The following SLC28A3 variants were observed in gnomAD, a reference collection of about 807,000 sequenced individuals.
SLC28A3 encodes the protein concentrative Na(+)-nucleoside cotransporter 3.
A neutral mutation model predicts 84.2 loss-of-function variants in SLC28A3; 68 were observed. The ratio of observed to expected loss-of-function variants is 0.81; its 90% CI spans 0.66 to 0.99. The LOEUF is 0.99. Ranked by LOEUF, SLC28A3 falls within the 50% of genes least tolerant of loss-of-function variation. The pLI is 0.00. For missense variants in SLC28A3, 712 were observed against 841.5 expected, an observed-to-expected ratio of 0.85 and a Z score of 1.90; for synonymous variants, 267 against 303.6, an observed-to-expected ratio of 0.88 and a Z score of 1.25.
chr9:84,309,624 T>G lies in SLC28A3; in HGVS notation c.242+5A>C. On this transcript the variant is annotated splice_donor_5th_base_variant and intron_variant, in intron 3 of 17. Transcript: ENST00000376238. ...TTGGTTATTTCCCTGTTTTAAAGAC[T>G]GTACCCTTTTTGTTGCATCTCCTCA... The G allele has an allele frequency of 6.2e-7, 1 of 1,611,460 alleles. No homozygotes were observed. The highest frequency in any genetic ancestry group is 8.5e-7 in the Non-Finnish European group (1 of 1,178,416).
intron 6 of SLC28A3, among the ~76,000 whole-genome samples, chr9:84,298,404 T>C (rs1172915957): frequency 6.6e-6 from 1 of 152,148 alleles, no homozygotes; most frequent in African/African-American, 2.4e-5. Flanking sequence ...GGAGAGTCAC[T>C]TGAACACAGG....
chr9:84,285,245 C>A, intron 14 of SLC28A3, 100 bp downstream of exon 14: 1 of 1,192,356 alleles, frequency 8.4e-7, no homozygotes, highest in East Asian at 2.5e-5. Flanking sequence ...TAATCTATCC[C>A]AGGTGCCTGG....
At chr9:84,307,149 G>T (rs1380361727) in intron 3 of SLC28A3, among the ~76,000 whole-genome samples, 1 of 115,516 alleles carries the variant, frequency 8.7e-6, no homozygotes, top group African/African-American at 3.7e-5. Flanking sequence ...AAAAAAAAAA[G>T]GCCAGGCGCG....
intron 1 of SLC28A3, among the ~76,000 whole-genome samples, chr9:84,338,353 C>A (rs547008695): frequency 5.3e-5 from 8 of 152,284 alleles, no homozygotes; most frequent in African/African-American, 1.4e-4. Flanking sequence ...AGCAGGAGAG[C>A]TGAATGTCAA....
At chr9:84,346,839 G>A in the SLC28A3 span, among the ~76,000 whole-genome samples, 3 of 152,090 alleles carry the variant, frequency 2.0e-5, no homozygotes, top group African/African-American at 7.2e-5. Flanking sequence ...ATACCTGTCT[G>A]CAATTAAAGG....
intron 2 of SLC28A3, among the ~76,000 whole-genome samples, chr9:84,311,399 T>G (rs372599079): frequency 1.4e-4 from 21 of 151,640 alleles, no homozygotes; most frequent in African/African-American, 4.6e-4. Context: ...CCCAGAGAAG[T>G]ACATTTGTTA....
the SLC28A3 span, among the ~76,000 whole-genome samples, chr9:84,360,798 T>G: frequency 6.6e-6 from 1 of 151,986 alleles, no homozygotes; most frequent in Non-Finnish European, 1.5e-5. Context: ...GCACCTGTAG[T>G]CTTGCTAATC....
At chr9:84,311,832 C>G (rs906635098) in intron 2 of SLC28A3, among the ~76,000 whole-genome samples, 1 of 152,148 alleles carries the variant, frequency 6.6e-6, no homozygotes, top group Non-Finnish European at 1.5e-5. Flanking sequence ...CTCCAGCCTG[C>G]TGACAGAGCG....
intron 1 of SLC28A3, among the ~76,000 whole-genome samples, chr9:84,320,040 G>GTTTTTTGTTTT (rs1826311957): frequency 1.7e-5 from 1 of 59,566 alleles, no homozygotes; most frequent in African/African-American, 9.8e-5. Context: ...GGCTTGCACT[G>GTTTTTTGTTTT]TTTTTTTTTT....
At chr9:84,366,955 C>T in the SLC28A3 span, among the ~76,000 whole-genome samples, 2 of 152,200 alleles carry the variant, frequency 1.3e-5, no homozygotes, top group African/African-American at 4.8e-5. Flanking sequence ...GCTAGTCAGG[C>T]CTGTGTCCTT....
intron 15 of SLC28A3, among the ~76,000 whole-genome samples, chr9:84,280,560 C>T (rs934452201): frequency 1.3e-5 from 2 of 152,118 alleles, no homozygotes; most frequent in Admixed American, 1.3e-4. Context: ...AAGGTGAAGC[C>T]TACAGGTCAC....
chr9:84,302,901 A>G (rs1434213376), intron 4 of SLC28A3, among the ~76,000 whole-genome samples: 1 of 152,226 alleles, frequency 6.6e-6, no homozygotes, highest in Middle Eastern at 3.2e-3. Flanking sequence ...GGCAATTACC[A>G]AGCTGGCTGC....
At chr9:84,315,966 T>A (rs11140514) in intron 1 of SLC28A3, among the ~76,000 whole-genome samples, 15,044 of 152,266 alleles carry the variant, frequency 0.099, 809 homozygotes, top group Admixed American at 0.13. Context: ...GGGAATTGCA[T>A]TGTGAGTATG....
At chr9:84,334,831 G>T (rs1481299311) in intron 1 of SLC28A3, among the ~76,000 whole-genome samples, 1 of 151,996 alleles carries the variant, frequency 6.6e-6, no homozygotes, top group Non-Finnish European at 1.5e-5. Context: ...CTCCTAGCTG[G>T]CAAGTCAAGT....
Position 84,311,760 on chromosome 9 carries a change from G to A in SLC28A3, c.156+1599C>T, listed in dbSNP as rs1407685561. Among the ~76,000 whole-genome samples the A allele has an allele frequency of 3.9e-5, 6 of 152,178 alleles. No individual in the cohort carries two copies. The East Asian group carries it at 1.2e-3, about 29-fold the overall frequency. The stretch of plus-strand genomic sequence containing the variant: ...AATCCCAACTACACGGGAGGCTGAG[G>A]CAGGAGAATCACCTGAACCCGGGAG... On this transcript the variant is annotated intron_variant, in intron 2 of 17. Transcript: ENST00000376238.
At chr9:84,280,197 T>G in intron 15 of SLC28A3, 124 bp from the exon 16 acceptor site, 1 of 715,404 alleles carries the variant, frequency 1.4e-6, no homozygotes, top group Non-Finnish European at 2.2e-6. Flanking sequence ...TTCTTTAACT[T>G]AGCTGGGAAA....
intron 4 of SLC28A3, among the ~76,000 whole-genome samples, chr9:84,304,035 T>C (rs1825713097): frequency 6.6e-6 from 1 of 152,238 alleles, no homozygotes; most frequent in African/African-American, 2.4e-5. Flanking sequence ...CCTTGCAGGC[T>C]GCAACCCTTT....
chr9:84,306,992 TA>T lies in SLC28A3; in HGVS notation c.243-1648del, dbSNP rs1258359890. ...GGGAAACACAGTGAGACCTTGTCTC[TA>T]CAAAAAAAAAAAAAAAAAAAAAAAA... On this transcript the variant is annotated intron_variant, in intron 3 of 17. Transcript: ENST00000376238. 1.2e-4 allele frequency among the ~76,000 whole-genome samples: 3 copies of T among 24,744 alleles called. No individual in the cohort carries two copies. In the East Asian group the frequency reaches 3.4e-3, roughly 28 times the overall value. 16.2% of individuals were successfully genotyped at this position (24,744 alleles called of 152,430 possible).
intron 1 of SLC28A3, 122 bp downstream of exon 1, chr9:84,340,452 T>A (rs1285425760): frequency 2.0e-6 from 2 of 1,019,988 alleles, no homozygotes; most frequent in Non-Finnish European, 3.0e-6. Context: ...GCTTAAAGTG[T>A]GCCGTTAAAA....
Sources: gnomAD v4.1 joint callset for allele counts (sites outside exome capture counted in the v4.1 genomes callset) on GRCh38, gnomAD v4.1.1 for gene constraint, MANE v1.5 for transcripts, NCBI Gene and HGNC (gene_info 2026-07-23, HGNC 2026-07-21) for gene names.